The following UBE2E2 variants were observed in gnomAD, a reference collection of about 807,000 sequenced individuals.
UBE2E2 encodes the protein ubiquitin conjugating enzyme E2 E2, also known as ubiquitin-conjugating enzyme E2 E2.
UBE2E2 carries 6 observed loss-of-function variants against 24.7 expected under a neutral mutation model. The observed-to-expected ratio is 0.24, with a 90% CI of 0.13 to 0.48. The LOEUF (loss-of-function observed/expected upper bound fraction) is 0.48. UBE2E2 is among the 20% of genes least tolerant of loss of function. UBE2E2 has a pLI of 0.99. For synonymous variants in UBE2E2, 104 were observed against 83.6 expected, an observed-to-expected ratio of 1.24 and a Z score of -1.33; for missense variants, 169 against 245.0, an observed-to-expected ratio of 0.69 and a Z score of 2.07.
intron 5 of UBE2E2, among the ~76,000 whole-genome samples, chr3:23,542,505 T>G (rs2125493063): frequency 6.6e-6 from 1 of 152,332 alleles, no homozygotes; most frequent in Admixed American, 6.5e-5. Flanking sequence ...TAGATACATG[T>G]GGGAGTTGCA....
intron 3 of UBE2E2, among the ~76,000 whole-genome samples, chr3:23,379,356 CT>C (rs776196460): frequency 3.3e-5 from 5 of 151,148 alleles, no homozygotes; most frequent in Non-Finnish European, 7.4e-5. Context: ...AACTCGTCAT[CT>C]AGCATTAGGT....
At chr3:23,299,444 C>T (rs1699008183) in intron 3 of UBE2E2, among the ~76,000 whole-genome samples, 1 of 152,086 alleles carries the variant, frequency 6.6e-6, no homozygotes, top group African/African-American at 2.4e-5. Flanking sequence ...TCCCTCTACA[C>T]ACTGCTTTGA....
chr3:23,360,821 A>G (rs1696093537), intron 3 of UBE2E2, among the ~76,000 whole-genome samples: 1 of 152,136 alleles, frequency 6.6e-6, no homozygotes, highest in African/African-American at 2.4e-5. Flanking sequence ...ATTTCTTTAT[A>G]ATTTCTAAAT....
chr3:23,399,166 G>C (rs914992374), intron 3 of UBE2E2, among the ~76,000 whole-genome samples: 1 of 152,068 alleles, frequency 6.6e-6, no homozygotes, highest in Non-Finnish European at 1.5e-5. Context: ...TCTTACCATA[G>C]TAACCTCAGC....
At chr3:23,335,514 T>C (rs1409601643) in intron 3 of UBE2E2, among the ~76,000 whole-genome samples, 1 of 152,154 alleles carries the variant, frequency 6.6e-6, no homozygotes, top group African/African-American at 2.4e-5. Context: ...TGCAGTGTAA[T>C]TACTGTTTAG....
rs556730994 is a variant in UBE2E2, at chr3:23,354,564, C to T, written c.227+137252C>T. Reference sequence around the variant, plus strand: ...AAAAACAACCCCATCAAAAAGTGGGCGAAGGACATGAACAGACACTTCTCA... The same window carrying T: ...AAAAACAACCCCATCAAAAAGTGGGTGAAGGACATGAACAGACACTTCTCA... On this transcript the variant is annotated intron_variant, in intron 3 of 5. Coordinates refer to ENST00000396703, the MANE Select transcript of UBE2E2 (RefSeq NM_152653.4). Among the ~76,000 whole-genome samples, 1,364 of 152,252 alleles carry T rather than the reference C, an allele frequency of 9.0e-3. 12 individuals carry two copies. Among genetic ancestry groups the T allele is most frequent in the African/African-American group, 0.018 (734 of 41,538 alleles).
chr3:23,528,634 T>C (rs1695053247), intron 4 of UBE2E2, among the ~76,000 whole-genome samples: 1 of 152,206 alleles, frequency 6.6e-6, no homozygotes, highest in Non-Finnish European at 1.5e-5. Context: ...TCCCTTACTA[T>C]TGGTGTGCAC....
intron 3 of UBE2E2, among the ~76,000 whole-genome samples, chr3:23,367,910 G>A (rs1696303589): frequency 6.6e-6 from 1 of 152,176 alleles, no homozygotes; most frequent in African/African-American, 2.4e-5. Context: ...TTGTTGTGTG[G>A]GGAAAACTCT....
chr3:23,255,778 T>C lies in UBE2E2; in HGVS notation c.227+38466T>C, dbSNP rs57221758. On this transcript the variant is annotated intron_variant, in intron 3 of 5. Coordinates refer to ENST00000396703, the MANE Select transcript of UBE2E2 (RefSeq NM_152653.4). ...TTTTACTATTGGATACATATCACAG[T>C]ATCTGGGAATAATCATACTCTCCAG... 6.6e-4 allele frequency among the ~76,000 whole-genome samples: 100 copies of C among 152,300 alleles called. 5 individuals are homozygous for C. In the East Asian group the frequency reaches 0.016, roughly 24 times the overall value.
At chr3:23,473,711 C>G (rs1699072620) in intron 3 of UBE2E2, among the ~76,000 whole-genome samples, 1 of 152,142 alleles carries the variant, frequency 6.6e-6, no homozygotes, top group Admixed American at 6.5e-5. Flanking sequence ...TGAGTTACTT[C>G]ACTTAGAATA....
At chr3:23,261,451 A>AT (rs953098426) in intron 3 of UBE2E2, among the ~76,000 whole-genome samples, 14 of 151,930 alleles carry the variant, frequency 9.2e-5, no homozygotes, top group African/African-American at 3.4e-4. Flanking sequence ...GTAGTTACCA[A>AT]TTTTTTTTAT....
intron 3 of UBE2E2, among the ~76,000 whole-genome samples, chr3:23,355,404 C>T (rs1241123956): frequency 6.6e-6 from 1 of 151,988 alleles, no homozygotes; most frequent in African/African-American, 2.4e-5. Flanking sequence ...AGAAGTCATG[C>T]TTCCTCTTAT....
chr3:23,337,942 G>A (rs1441381383), intron 3 of UBE2E2, among the ~76,000 whole-genome samples: 1 of 152,138 alleles, frequency 6.6e-6, no homozygotes, highest in Admixed American at 6.6e-5. Flanking sequence ...ATTGGATGTG[G>A]GGAGATGACC....
At chr3:23,332,787 A>C (rs34619482) in intron 3 of UBE2E2, among the ~76,000 whole-genome samples, 9,733 of 151,780 alleles carry the variant, frequency 0.064, 457 homozygotes, top group Non-Finnish European at 0.088. Flanking sequence ...AGTAGTATTT[A>C]GTTACCTGGG....
At chr3:23,554,267 T>G (rs1204919218) in intron 5 of UBE2E2, among the ~76,000 whole-genome samples, 1 of 152,068 alleles carries the variant, frequency 6.6e-6, no homozygotes, top group Non-Finnish European at 1.5e-5. Flanking sequence ...GGCAACTAAT[T>G]TTCAAAAAGG....
chr3:23,320,129 A>G (rs990779356), intron 3 of UBE2E2, among the ~76,000 whole-genome samples: 4 of 152,166 alleles, frequency 2.6e-5, no homozygotes, highest in African/African-American at 9.7e-5. Context: ...CCCATGTAGA[A>G]AGCTGGGGGT....
At position 23,528,045 on chromosome 3, in the gene UBE2E2, C is replaced by A. The variant is rs185506725; in HGVS notation, c.361-4509C>A. On this transcript the variant is annotated intron_variant, in intron 4 of 5. Transcript: ENST00000396703. ...TTGGATTGGCATCTGAAGTGAGAAG[C>A]AGTCTTGTGGGACTGAGACCTAAAC... Among the ~76,000 whole-genome samples the A allele has an allele frequency of 7.8e-3, 1,190 of 152,256 alleles. 19 individuals are homozygous for A. Among genetic ancestry groups the A allele is most frequent in the African/African-American group, 0.027 (1,108 of 41,538 alleles).
intron 3 of UBE2E2, among the ~76,000 whole-genome samples, chr3:23,223,338 A>T (rs186919184): frequency 1.3e-5 from 2 of 151,868 alleles, no homozygotes; most frequent in African/African-American, 2.4e-5. Context: ...GATTAGAGGC[A>T]TGCACCACCA....
intron 5 of UBE2E2, among the ~76,000 whole-genome samples, chr3:23,575,448 C>A (rs2125515230): frequency 6.6e-6 from 1 of 152,108 alleles, no homozygotes; most frequent in African/African-American, 2.4e-5. Flanking sequence ...AGTGTGTTTT[C>A]AATATTTATA....
Sources: gnomAD v4.1 joint callset for allele counts (sites outside exome capture counted in the v4.1 genomes callset) on GRCh38, gnomAD v4.1.1 for gene constraint, MANE v1.5 for transcripts, NCBI Gene and HGNC (gene_info 2026-07-23, HGNC 2026-07-21) for gene names.